Variants in SORCS3 observed in about 807,000 individuals in gnomAD.
SORCS3 encodes VPS10 domain-containing receptor SorCS3.
SORCS3 carries 57 observed loss-of-function variants against 146.3 expected under a neutral mutation model. The observed-to-expected ratio is 0.39, with a 90% CI of 0.31 to 0.49. SORCS3 has a LOEUF of 0.49. Among genes scored for constraint, SORCS3 ranks in the 20% least tolerant of loss-of-function variants. The pLI is 0.92. For synonymous variants in SORCS3, 653 were observed against 618.5 expected (o/e 1.06, Z -0.83); for missense variants, 1,341 against 1,575.5 (o/e 0.85, Z 2.52).
intron 5 of SORCS3, 89 bp downstream of exon 5, chr10:105,043,217 T>C: frequency 1.7e-6 from 2 of 1,173,020 alleles, no homozygotes; most frequent in Non-Finnish European, 2.5e-6. Flanking sequence ...GTTGCAGTTC[T>C]TGCAGACAAA....
rs10660859 is a variant in SORCS3, at chr10:104,957,554, A to AACACACACACAC, written c.796-19766_796-19755dup. 3.3e-3 allele frequency among the ~76,000 whole-genome samples: 485 copies of AACACACACACAC among 148,464 alleles called. 1 individual carries two copies. Among genetic ancestry groups the AACACACACACAC allele is most frequent in the South Asian group, 0.015 (69 of 4,648 alleles). ...CTTTCTTTCTGCAATAAGGAAAGAA[A>AACACACACACAC]ACACACACACACACACACACACACA... On this transcript the variant is annotated intron_variant, in intron 3 of 26. Coordinates refer to ENST00000369701, the MANE Select transcript of SORCS3 (RefSeq NM_014978.3).
intron 1 of SORCS3, among the ~76,000 whole-genome samples, chr10:104,721,348 G>A (rs956593661): frequency 1.3e-5 from 2 of 152,090 alleles, no homozygotes; most frequent in South Asian, 2.1e-4. Flanking sequence ...TTCTGTTTTG[G>A]TACCAGTACC....
chr10:104,878,578 G>C (rs563296978), intron 2 of SORCS3, among the ~76,000 whole-genome samples: 3 of 152,044 alleles, frequency 2.0e-5, no homozygotes, highest in African/African-American at 7.2e-5. Context: ...ATATCTGTAA[G>C]ATAAAAAGCA....
intron 2 of SORCS3, among the ~76,000 whole-genome samples, chr10:104,896,036 T>G (rs190817344): frequency 6.6e-6 from 1 of 152,352 alleles, no homozygotes; most frequent in African/African-American, 2.4e-5. Context: ...ATATTTTTCT[T>G]CCATTTCTCT....
chr10:105,229,759 A>G (rs567989178), intron 20 of SORCS3, among the ~76,000 whole-genome samples: 97 of 152,244 alleles, frequency 6.4e-4, no homozygotes, highest in Non-Finnish European at 8.4e-4. Context: ...TGGGCTGATT[A>G]TGCCTATTTA....
At chr10:104,956,046 G>T (rs2019486451) in intron 3 of SORCS3, among the ~76,000 whole-genome samples, 2 of 152,138 alleles carry the variant, frequency 1.3e-5, no homozygotes, top group African/African-American at 2.4e-5. Context: ...CGGGTATGGA[G>T]TGTAAAAAAG....
rs113876899 is a variant in SORCS3, at chr10:104,994,162, T to A, written c.954+16669T>A. 4.5e-3 allele frequency among the ~76,000 whole-genome samples: 685 copies of A among 152,300 alleles called. 4 individuals carry two copies. The highest frequency in any genetic ancestry group is 0.016 in the African/African-American group (646 of 41,564). On this transcript the variant is annotated intron_variant, in intron 4 of 26. Coordinates refer to ENST00000369701, the MANE Select transcript of SORCS3 (RefSeq NM_014978.3). ...GTACCAAGACCTAGAGATGCAATAA[T>A]GGATTTTGTTACCATCTTTGCTATC...
chr10:105,060,743 G>C (rs529602643), intron 5 of SORCS3, among the ~76,000 whole-genome samples: 114 of 152,194 alleles, frequency 7.5e-4, no homozygotes, highest in African/African-American at 2.0e-3. Flanking sequence ...TTCAAGACCA[G>C]CCTGACCAAC....
chr10:105,100,117 G>A (rs1348785963), intron 6 of SORCS3, among the ~76,000 whole-genome samples: 1 of 152,206 alleles, frequency 6.6e-6, no homozygotes, highest in East Asian at 1.9e-4. Flanking sequence ...GGGCCTGCTA[G>A]CTGTAGAGCT....
intron 7 of SORCS3, among the ~76,000 whole-genome samples, chr10:105,126,978 GTGACAGCTCCA>G (rs2055979801): frequency 6.6e-6 from 1 of 152,120 alleles, no homozygotes; most frequent in Non-Finnish European, 1.5e-5. Context: ...ACTCCATGAG[GTGACAGCTCCA>G]TGACCCATGG....
chr10:104,770,993 C>T (rs563458218), intron 1 of SORCS3, among the ~76,000 whole-genome samples: 7 of 152,176 alleles, frequency 4.6e-5, no homozygotes, highest in African/African-American at 1.7e-4. Context: ...GCCACTATGC[C>T]TTCTAAACTG....
intron 3 of SORCS3, among the ~76,000 whole-genome samples, chr10:104,937,297 A>G (rs2133615284): frequency 6.6e-6 from 1 of 152,322 alleles, no homozygotes; most frequent in Non-Finnish European, 1.5e-5. Context: ...CCCTTGCTTC[A>G]AAAGGTAAGT....
intron 4 of SORCS3, among the ~76,000 whole-genome samples, chr10:104,991,436 C>T (rs1046659446): frequency 1.3e-5 from 2 of 151,838 alleles, no homozygotes; most frequent in African/African-American, 4.8e-5. Context: ...GATCTTTCCT[C>T]TATGTTTGTC....
At chr10:104,682,439 G>T (rs1220770902) in intron 1 of SORCS3, among the ~76,000 whole-genome samples, 3 of 152,220 alleles carry the variant, frequency 2.0e-5, no homozygotes, top group Non-Finnish European at 2.9e-5. Context: ...TAACTACCTT[G>T]TAAGGTTGTT....
At chr10:105,217,899 A>G in intron 19 of SORCS3, 4 of 453,988 alleles carry the variant, frequency 8.8e-6, no homozygotes, top group South Asian at 3.1e-5. Context: ...CCACATGTGT[A>G]TCAGTGATAT....
intron 1 of SORCS3, chr10:104,822,054 C>T (rs1480291592): frequency 1.9e-6 from 1 of 516,742 alleles, no homozygotes; most frequent in Admixed American, 2.0e-5. Context: ...TTGTTTCCAC[C>T]CCTTATTTTT....
chr10:104,672,516 T>C (rs1423400598), intron 1 of SORCS3, among the ~76,000 whole-genome samples: 1 of 152,160 alleles, frequency 6.6e-6, no homozygotes, highest in Non-Finnish European at 1.5e-5. Flanking sequence ...TTTAGTTTTC[T>C]TCTTTTTCTA....
At chr10:104,737,205 T>C (rs1008290498) in intron 1 of SORCS3, among the ~76,000 whole-genome samples, 18 of 152,208 alleles carry the variant, frequency 1.2e-4, no homozygotes, top group Admixed American at 1.3e-4. Flanking sequence ...TGGTTCCAAG[T>C]CTTTGCTATT....
At chr10:105,110,232 T>C (rs1378663206) in intron 7 of SORCS3, among the ~76,000 whole-genome samples, 1 of 152,034 alleles carries the variant, frequency 6.6e-6, no homozygotes, top group Non-Finnish European at 1.5e-5. Context: ...CTTTCTCTCG[T>C]ATCAACATAC....
Sources: gnomAD v4.1 joint callset for allele counts (sites outside exome capture counted in the v4.1 genomes callset) on GRCh38, gnomAD v4.1.1 for gene constraint, MANE v1.5 for transcripts, NCBI Gene and HGNC (gene_info 2026-07-23, HGNC 2026-07-21) for gene names.